Variants in APBB1IP observed in about 807,000 individuals in gnomAD.
The protein encoded by APBB1IP is amyloid beta A4 precursor protein-binding family B member 1-interacting protein.
Under a neutral mutation model 64.9 loss-of-function variants are expected in APBB1IP, and 27 were observed. The observed-to-expected ratio is 0.42, with a 90% CI of 0.31 to 0.57. The LOEUF is 0.57. Ranked by LOEUF, APBB1IP falls within the 20% of genes least tolerant of loss-of-function variation. The probability of loss-of-function intolerance (pLI) is 0.20; values close to 1 mark genes in which losing one functional copy is unlikely to be tolerated. For missense variants in APBB1IP, 812 were observed against 845.5 expected, an observed-to-expected ratio of 0.96 and a Z score of 0.49; for synonymous variants, 392 against 331.0, an observed-to-expected ratio of 1.18 and a Z score of -2.00.
At chr10:26,541,440 A>G in intron 10 of APBB1IP, 142 bp from the exon 11 acceptor site, 1 of 650,240 alleles carries the variant, frequency 1.5e-6, no homozygotes, top group Non-Finnish European at 2.6e-6. Flanking sequence ...AAACCTATAC[A>G]TGGCAGATGT....
chr10:26,560,266 C>T, intron 12 of APBB1IP, 63 bp downstream of exon 12: 4 of 1,455,456 alleles, frequency 2.7e-6, no homozygotes, highest in Non-Finnish European at 3.9e-6. Flanking sequence ...GACCTGGGCA[C>T]AGCCTTCCTG....
chr10:26,553,657 C>G (rs12782760), intron 11 of APBB1IP, among the ~76,000 whole-genome samples: 13,658 of 152,158 alleles, frequency 0.09, 893 homozygotes, highest in East Asian at 0.2. Flanking sequence ...GACCCTTTCT[C>G]TACGAATGTA....
At chr10:26,542,124 G>A (rs1836704688) in intron 11 of APBB1IP, among the ~76,000 whole-genome samples, 1 of 152,100 alleles carries the variant, frequency 6.6e-6, no homozygotes, top group South Asian at 2.1e-4. Flanking sequence ...GGTGTATATT[G>A]TCAAAAGGCA....
chr10:26,471,137 A>G (rs1835710742), intron 2 of APBB1IP, among the ~76,000 whole-genome samples: 1 of 152,226 alleles, frequency 6.6e-6, no homozygotes, highest in Non-Finnish European at 1.5e-5. Flanking sequence ...GCCCAAGATT[A>G]CACAGCCAAT....
At chr10:26,457,225 T>C (rs191760679) in intron 2 of APBB1IP, among the ~76,000 whole-genome samples, 1 of 152,218 alleles carries the variant, frequency 6.6e-6, no homozygotes, top group African/African-American at 2.4e-5. Context: ...CCGAGCCTTG[T>C]CTTCCCTTTC....
chr10:26,450,636 A>C (rs3006785), intron 2 of APBB1IP, among the ~76,000 whole-genome samples: 1 of 151,442 alleles, frequency 6.6e-6, no homozygotes, highest in African/African-American at 2.4e-5. Flanking sequence ...TGGCTGTGGA[A>C]AACTAGTAAA....
At chr10:26,492,997 C>T (rs1049617745) in intron 3 of APBB1IP, among the ~76,000 whole-genome samples, 2 of 152,196 alleles carry the variant, frequency 1.3e-5, no homozygotes, top group Admixed American at 6.5e-5. Flanking sequence ...CTGCATAAGG[C>T]AGACACCCCC....
At chr10:26,445,668 G>T (rs1341521917) in intron 2 of APBB1IP, among the ~76,000 whole-genome samples, 1 of 152,202 alleles carries the variant, frequency 6.6e-6, no homozygotes, top group Non-Finnish European at 1.5e-5. Context: ...CCACAAAGAA[G>T]TTTTTTGTGC....
chr10:26,532,362 C>T (rs1244191062), intron 8 of APBB1IP, among the ~76,000 whole-genome samples: 1 of 152,054 alleles, frequency 6.6e-6, no homozygotes, highest in African/African-American at 2.4e-5. Flanking sequence ...TTTTTGGAAC[C>T]CTTTATTTTT....
chr10:26,560,789 T>C lies in APBB1IP; in HGVS notation c.1314T>C (p.Ser438=), dbSNP rs1836957951. 1 of 1,610,506 alleles carries C rather than the reference T, an allele frequency of 6.2e-7. No individual in the cohort carries two copies. The highest frequency in any genetic ancestry group is 1.7e-5 in the Admixed American group (1 of 59,286). Residue 438 remains serine (S), a synonymous_variant, in exon 13 of 15, where the codon TCT becomes TCC. Coordinates refer to ENST00000376236, the MANE Select transcript of APBB1IP (RefSeq NM_019043.4). ...QRAVAKAGLA[S]RWTNLGTVNA... ...CTGTGGCAAAGGCTGGACTTGCCTCTCGGTGGACAAACTTGGGGACAGTCA... is the reference window on the plus strand; with the variant it reads ...CTGTGGCAAAGGCTGGACTTGCCTCCCGGTGGACAAACTTGGGGACAGTCA...
chr10:26,446,405 T>C (rs1471148201), intron 2 of APBB1IP, among the ~76,000 whole-genome samples: 1 of 152,212 alleles, frequency 6.6e-6, no homozygotes, highest in Non-Finnish European at 1.5e-5. Context: ...GGCATTATAT[T>C]TCCCTTGTTG....
chr10:26,488,732 G>A (rs922852697), intron 2 of APBB1IP, among the ~76,000 whole-genome samples: 1 of 152,142 alleles, frequency 6.6e-6, no homozygotes, highest in African/African-American at 2.4e-5. Context: ...ATAGGACAAG[G>A]ATCTTCCATC....
chr10:26,557,005 T>C (rs548472228), intron 11 of APBB1IP, among the ~76,000 whole-genome samples: 5 of 152,348 alleles, frequency 3.3e-5, no homozygotes, highest in Non-Finnish European at 5.9e-5. Flanking sequence ...TGGGCTGTCA[T>C]GTTCCAGCCA....
chr10:26,453,648 T>C (rs1835489335), intron 2 of APBB1IP, among the ~76,000 whole-genome samples: 1 of 152,158 alleles, frequency 6.6e-6, no homozygotes, highest in South Asian at 2.1e-4. Flanking sequence ...CTCTGGGCTA[T>C]AGCACAGACT....
chr10:26,527,139 G>C (rs1395184448), intron 8 of APBB1IP, among the ~76,000 whole-genome samples: 1 of 152,168 alleles, frequency 6.6e-6, no homozygotes, highest in Non-Finnish European at 1.5e-5. Flanking sequence ...CACCTTTATG[G>C]TCCCCAGCAT....
chr10:26,476,550 G>A (rs1373326357), intron 2 of APBB1IP, among the ~76,000 whole-genome samples: 1 of 151,118 alleles, frequency 6.6e-6, no homozygotes, highest in African/African-American at 2.4e-5. Flanking sequence ...GGACAGGCAT[G>A]TACCCTTCAC....
intron 2 of APBB1IP, among the ~76,000 whole-genome samples, chr10:26,458,118 T>C (rs1006131985): frequency 6.6e-6 from 1 of 152,242 alleles, no homozygotes; most frequent in Non-Finnish European, 1.5e-5. Context: ...CTGGATGTGG[T>C]GTCTCATGCC....
intron 2 of APBB1IP, among the ~76,000 whole-genome samples, chr10:26,468,137 T>C (rs1835669881): frequency 6.6e-6 from 1 of 152,222 alleles, no homozygotes; most frequent in Non-Finnish European, 1.5e-5. Flanking sequence ...CCCATGTCTT[T>C]CAGAATCCAA....
At chr10:26,555,073 G>C (rs1489873793) in intron 11 of APBB1IP, among the ~76,000 whole-genome samples, 1 of 152,134 alleles carries the variant, frequency 6.6e-6, no homozygotes, top group East Asian at 1.9e-4. Context: ...GCTAGAAACA[G>C]AAAAAGCATG....
Sources: allele counts gnomAD v4.1 joint callset (sites outside exome capture counted in the v4.1 genomes callset), GRCh38; gene constraint gnomAD v4.1.1; transcripts MANE v1.5; gene names NCBI Gene and HGNC (gene_info 2026-07-23, HGNC 2026-07-21).